Variants in KIAA0586 observed in about 807,000 individuals in gnomAD.
The protein encoded by KIAA0586 is protein TALPID3.
In KIAA0586, 144 loss-of-function variants were observed where a neutral mutation model predicts 169.8. That is an observed-to-expected ratio of 0.85 (90% CI 0.74 to 0.97). The LOEUF (loss-of-function observed/expected upper bound fraction) is 0.97, where lower values mean the gene tolerates loss of function less well. Ranked by LOEUF, KIAA0586 falls within the 50% of genes least tolerant of loss-of-function variation. KIAA0586 has a pLI of 0.00. For missense variants in KIAA0586, 1,854 were observed against 1,823.0 expected (o/e 1.02, Z -0.31); for synonymous variants, 625 against 612.4 (o/e 1.02, Z -0.30).
intron 18 of KIAA0586, among the ~76,000 whole-genome samples, chr14:58,473,150 AT>A (rs1358885640): frequency 6.6e-6 from 1 of 151,676 alleles, no homozygotes; most frequent in East Asian, 1.9e-4. Flanking sequence ...TGTGGACTTC[AT>A]TTTTCAATGG....
At chr14:58,521,820 G>A in intron 29 of KIAA0586, 2 of 842,004 alleles carry the variant, frequency 2.4e-6, no homozygotes, top group Non-Finnish European at 4.2e-6. Context: ...TGAGACTAAT[G>A]TGAAGGTGGA....
rs540967576 is a variant in KIAA0586 at position 58,458,352 on chromosome 14, C to T, written c.1584-121C>T. ...CCATTCTACTATCCTAATATCCTTT[C>T]CTTTTCAGATGAAAGATATTAGGAT... On this transcript the variant is annotated intron_variant, in intron 11 of 30. Transcript: ENST00000652326. The T allele has an allele frequency of 9.2e-5, 58 of 627,870 alleles. No homozygotes were observed. In the Admixed American group the frequency reaches 1.7e-3, roughly 18 times the overall value. The allele number at this position is 627,870 out of a possible 1,614,324, so 38.9% of individuals were successfully genotyped here. A position where few individuals can be genotyped will look rare whatever the true frequency, so the allele number is the denominator to read the frequency against.
chr14:58,469,428 T>C (rs941239381), intron 16 of KIAA0586, among the ~76,000 whole-genome samples: 1 of 152,208 alleles, frequency 6.6e-6, no homozygotes, highest in African/African-American at 2.4e-5. Flanking sequence ...TCTGACAGCG[T>C]AGGCCCACTA....
At chr14:58,473,638 G>A (rs569559144) in intron 18 of KIAA0586, among the ~76,000 whole-genome samples, 6 of 152,310 alleles carry the variant, frequency 3.9e-5, no homozygotes, top group South Asian at 4.1e-4. Context: ...AGGTACAGTG[G>A]CTCATGCCTG....
chr14:58,482,659 C>A lies in KIAA0586; in HGVS notation c.3091C>A (p.Pro1031Thr). Residue 1031 changes from proline (P) to threonine (T), a missense_variant, in exon 21 of 31, where the codon CCT (proline) becomes ACT (threonine). Transcript: ENST00000652326. The part of the protein sequence containing the change: ...LGDREAKKQG[P>T]VATGVSGDAS... ...TGACAGAGAAGCAAAGAAGCAAGGT[C>A]CTGTTGCTACAGGTGTTTCTGGGGA... 3 of 1,605,024 alleles carry A rather than the reference C, an allele frequency of 1.9e-6. No homozygotes were observed. The highest frequency in any genetic ancestry group is 2.6e-6 in the Non-Finnish European group (3 of 1,175,818).
intron 30 of KIAA0586, among the ~76,000 whole-genome samples, chr14:58,541,493 C>G (rs1328602225): frequency 2.0e-5 from 3 of 152,134 alleles, no homozygotes. Flanking sequence ...AATTACAGTG[C>G]AGTCTGGTAA....
the KIAA0586 span, among the ~76,000 whole-genome samples, chr14:58,558,229 T>G: frequency 1.1e-4 from 17 of 152,130 alleles, no homozygotes; most frequent in Non-Finnish European, 1.8e-4. Context: ...CTTAATTGCC[T>G]TTGATTTTGG....
At chr14:58,483,619 A>T (rs2042182697) in intron 21 of KIAA0586, among the ~76,000 whole-genome samples, 4 of 152,170 alleles carry the variant, frequency 2.6e-5, no homozygotes, top group South Asian at 2.1e-4. Flanking sequence ...TTGCGTTATT[A>T]TATGAACTGA....
intron 19 of KIAA0586, among the ~76,000 whole-genome samples, chr14:58,476,820 A>G (rs1267477456): frequency 6.6e-6 from 1 of 151,624 alleles, no homozygotes. Flanking sequence ...GGCACGTACC[A>G]CCTAATTTTT....
chr14:58,523,719 A>ATATTATTATTATTATTATTAT (rs542449532), intron 29 of KIAA0586, among the ~76,000 whole-genome samples: 162 of 149,038 alleles, frequency 1.1e-3, no homozygotes, highest in African/African-American at 3.8e-3. Context: ...TTTTAATTGA[A>ATATTATTATTATTATTATTAT]TATTATTATT....
At chr14:58,491,936 C>G (rs1350480890) in intron 25 of KIAA0586, among the ~76,000 whole-genome samples, 1 of 152,048 alleles carries the variant, frequency 6.6e-6, no homozygotes, top group Non-Finnish European at 1.5e-5. Context: ...CCAAATTATA[C>G]TGTGGTTTAT....
At chr14:58,477,067 T>A (rs2041691816) in intron 19 of KIAA0586, 56 bp from the exon 20 acceptor site, 12 of 959,884 alleles carry the variant, frequency 1.3e-5, no homozygotes, top group Non-Finnish European at 1.8e-5. Context: ...TAACATTTTT[T>A]ACATTTCAAT....
At chr14:58,501,899 T>TA (rs2043597093) in intron 27 of KIAA0586, among the ~76,000 whole-genome samples, 1 of 152,214 alleles carries the variant, frequency 6.6e-6, no homozygotes, top group Non-Finnish European at 1.5e-5. Flanking sequence ...GGTAGTGGCT[T>TA]ACCTGGGTGG....
In KIAA0586 at chr14:58,427,849, G is replaced by C; in HGVS notation, c.-416G>C. 9 of 1,403,542 alleles carry C rather than the reference G, an allele frequency of 6.4e-6. No individual in the cohort carries two copies. Among genetic ancestry groups the C allele is most frequent in the Non-Finnish European group, 8.4e-6 (9 of 1,071,108 alleles). 86.9% of individuals were successfully genotyped at this position (1,403,542 alleles called of 1,614,324 possible). A position where few individuals can be genotyped will look rare whatever the true frequency, so the allele number is the denominator to read the frequency against. On this transcript the variant is annotated 5_prime_UTR_variant, in exon 1 of 31. Transcript: ENST00000652326. Reference sequence around the variant, plus strand: ...CTCTGTGGCTGAAGAAAGCTATTACGCTTCTTATGTGGGTCATTATTTTAA... The same window carrying C: ...CTCTGTGGCTGAAGAAAGCTATTACCCTTCTTATGTGGGTCATTATTTTAA...
chr14:58,457,758 G>A lies in KIAA0586; in HGVS notation c.1363-1G>A, dbSNP rs2039993322. ...ACTTTCTGGTCTTTTTTTCTTTTAA[G>A]CCAAAAGAATCTCTGAGTATGTTGA... On this transcript the variant is annotated splice_acceptor_variant, in intron 10 of 30. Coordinates refer to ENST00000652326, the MANE Select transcript of KIAA0586 (RefSeq NM_001329943.3). LOFTEE classifies it high-confidence loss of function. 2 of 1,569,984 alleles carry A rather than the reference G, an allele frequency of 1.3e-6. No individual in the cohort carries two copies. Among genetic ancestry groups the A allele is most frequent in the Non-Finnish European group, 1.7e-6 (2 of 1,159,530 alleles).
chr14:58,430,417 T>G (rs2037263083), intron 2 of KIAA0586, among the ~76,000 whole-genome samples: 1 of 152,226 alleles, frequency 6.6e-6, no homozygotes, highest in South Asian at 2.1e-4. Flanking sequence ...ATTTGCTTGC[T>G]GGTTCATTTA....
rs564520415 is a variant in KIAA0586 at position 58,521,924 on chromosome 14, A to T, written c.4429+9297A>T. The T allele has an allele frequency of 3.2e-5, 44 of 1,382,258 alleles. 1 individual carries two copies. Among genetic ancestry groups the T allele is most frequent in the Middle Eastern group, 2.0e-4 (1 of 4,996 alleles). The allele number at this position is 1,382,258 out of a possible 1,614,324, so 85.6% of individuals were successfully genotyped here. A position where few individuals can be genotyped will look rare whatever the true frequency, so the allele number is the denominator to read the frequency against. On this transcript the variant is annotated intron_variant, in intron 29 of 30. Coordinates refer to ENST00000652326, the MANE Select transcript of KIAA0586 (RefSeq NM_001329943.3). ...GATGACCAGCTGGAGTTGATCAAGG[A>T]TGATGAAAAAGAGGCTGAAGAAGGA...
chr14:58,516,397 G>C (rs1378955812), intron 29 of KIAA0586, among the ~76,000 whole-genome samples: 1 of 152,174 alleles, frequency 6.6e-6, no homozygotes. Context: ...TTTGGCTGGG[G>C]GAAGGGTAAA....
At chr14:58,445,923 C>T (rs2038858544) in intron 6 of KIAA0586, among the ~76,000 whole-genome samples, 2 of 151,000 alleles carry the variant, frequency 1.3e-5, no homozygotes, top group South Asian at 4.2e-4. Flanking sequence ...AACTGGAGTG[C>T]AGTGGCGCAA....
Sources: allele counts gnomAD v4.1 joint callset (sites outside exome capture counted in the v4.1 genomes callset), GRCh38; gene constraint gnomAD v4.1.1; transcripts MANE v1.5; gene names NCBI Gene and HGNC (gene_info 2026-07-23, HGNC 2026-07-21).